OSBPL3: variants seen among roughly 807,000 people sequenced by gnomAD.
OSBPL3 encodes oxysterol-binding protein-related protein 3.
OSBPL3 carries 65 observed loss-of-function variants against 120.1 expected under a neutral mutation model. The observed-to-expected ratio is 0.54, with a 90% confidence interval of 0.44 to 0.67. The LOEUF is 0.67. Among genes scored for constraint, OSBPL3 ranks in the 30% least tolerant of loss-of-function variants. OSBPL3 has a pLI of 0.00. For synonymous variants in OSBPL3, 416 were observed against 402.6 expected (o/e 1.03, Z -0.40); for missense variants, 1,004 against 1,082.1 (o/e 0.93, Z 1.01).
chr7:24,849,053 C>A lies in OSBPL3; in HGVS notation c.1266+16G>T. On this transcript the variant is annotated intron_variant, in intron 12 of 22. Transcript: ENST00000313367. This position sits in a 1 kb window ranked among gnomAD's most constrained non-coding sequence, Gnocchi z 5.4. ...CGGCAGCTGGGGAGACATTACCAGA[C>A]GAGAAACCTACCCACCTCTGCCAGA... is the stretch of plus-strand genomic sequence containing the variant. 6.3e-7 allele frequency: 1 copy of A among 1,590,852 alleles called. No individual in the cohort carries two copies. Among genetic ancestry groups the A allele is most frequent in the Non-Finnish European group, 8.6e-7 (1 of 1,159,736 alleles).
At position 24,838,104 on chromosome 7, in the gene OSBPL3, AC is replaced by A. The variant is rs537964466; in HGVS notation, c.1495+2585del. 7.2e-5 allele frequency among the ~76,000 whole-genome samples: 11 copies of A among 152,138 alleles called. No homozygotes were observed. The East Asian group carries it at 2.1e-3, about 29-fold the overall frequency. On this transcript the variant is annotated intron_variant, in intron 14 of 22. Coordinates refer to ENST00000313367, the MANE Select transcript of OSBPL3 (RefSeq NM_015550.4). The stretch of plus-strand genomic sequence containing the variant: ...ATGCTTAGAAATATAATCTCCCCCA[AC>A]CCCTGGGAATGTCTGTAAAGAACTA...
chr7:24,825,983 A>G (rs530874969), intron 16 of OSBPL3, among the ~76,000 whole-genome samples: 42 of 152,354 alleles, frequency 2.8e-4, no homozygotes, highest in African/African-American at 9.6e-4. Flanking sequence ...AGGAAAAGCT[A>G]CTTTTAGACT....
At chr7:24,889,201 T>A (rs1804968837) in intron 2 of OSBPL3, among the ~76,000 whole-genome samples, 1 of 152,142 alleles carries the variant, frequency 6.6e-6, no homozygotes, top group Admixed American at 6.5e-5. Flanking sequence ...TCATTTGCAA[T>A]CACATGGATG....
Position 24,827,057 on chromosome 7 carries a change from A to G in OSBPL3, c.1884+3711T>C, listed in dbSNP as rs886086751. On this transcript the variant is annotated intron_variant, in intron 16 of 22. Coordinates refer to ENST00000313367, the MANE Select transcript of OSBPL3 (RefSeq NM_015550.4). This position sits in a 1 kb window ranked among gnomAD's most constrained non-coding sequence, Gnocchi z 5.1. ...TTGCCAGGTCCTTAAGCTTGGAGAT[A>G]CAATTTCCATCATTATCCTCCTTAG... is the stretch of plus-strand genomic sequence containing the variant. Among the ~76,000 whole-genome samples, 1 of 152,226 alleles carries G rather than the reference A, an allele frequency of 6.6e-6. No individual in the cohort carries two copies. Among genetic ancestry groups the G allele is most frequent in the Non-Finnish European group, 1.5e-5 (1 of 68,046 alleles).
At chr7:24,890,669 C>A (rs879760653) in intron 2 of OSBPL3, among the ~76,000 whole-genome samples, 11 of 152,128 alleles carry the variant, frequency 7.2e-5, no homozygotes, top group Non-Finnish European at 1.3e-4. Flanking sequence ...ACCTTCTCTG[C>A]CACAGAGGAA....
intron 1 of OSBPL3, among the ~76,000 whole-genome samples, chr7:24,975,887 C>T (rs1481546540): frequency 2.0e-5 from 3 of 152,100 alleles, no homozygotes; most frequent in African/African-American, 2.4e-5. Flanking sequence ...GGTTTTCACA[C>T]GGAGAGAACA....
rs573350439 is a variant in OSBPL3 at position 24,900,773 on chromosome 7, G to C, written c.-149-8152C>G. Among the ~76,000 whole-genome samples, 4 of 152,264 alleles carry C rather than the reference G, an allele frequency of 2.6e-5. No homozygotes were observed. The highest frequency in any genetic ancestry group is 5.9e-5 in the Non-Finnish European group (4 of 68,024). Reference sequence around the variant, plus strand: ...GCTTGAGCTCACGAGTTCAAGACCAGCCTGGGCAACAAGGCGAAACCCCCA... The same window carrying C: ...GCTTGAGCTCACGAGTTCAAGACCACCCTGGGCAACAAGGCGAAACCCCCA... On this transcript the variant is annotated intron_variant, in intron 1 of 22. Coordinates refer to ENST00000313367, the MANE Select transcript of OSBPL3 (RefSeq NM_015550.4). This position sits in a 1 kb window ranked among gnomAD's most constrained non-coding sequence, Gnocchi z 4.5.
In OSBPL3 at chr7:24,852,560, C is replaced by G; in HGVS notation, c.1102G>C (p.Asp368His). The G allele has an allele frequency of 6.2e-7, 1 of 1,609,094 alleles. No individual in the cohort carries two copies. Among genetic ancestry groups the G allele is most frequent in the East Asian group, 2.2e-5 (1 of 44,772 alleles). The change falls in exon 11 of 23, where the codon GAT (aspartate) becomes CAT (histidine). Residue 368 changes from aspartate (D) to histidine (H), a missense_variant. Physicochemically the swap from Asp to His is moderately conservative, Grantham distance 81. Around this residue, in one of 4 missense-constraint regions of OSBPL3, gnomAD observed 272 missense variants for 248.8 expected, o/e 1.09. Transcript: ENST00000313367. This position sits in a 1 kb window ranked among gnomAD's most constrained non-coding sequence, Gnocchi z 4.1. ...TGAGCAGACGGGGAGGAGGAGGCAT[C>G]CTGCTCCATCAGCTGCTTCAGTTTC... ...REKLKQLMEQ[D>H]ASSSPSAQVI... is the part of the protein sequence containing the mutation.
In OSBPL3 at chr7:24,861,735, T is replaced by A. The variant is rs1800565767; in HGVS notation, c.905A>T (p.His302Leu). Residue 302 changes from histidine to leucine, a missense_variant, in exon 10 of 23, where the codon CAC becomes CTC. Coordinates refer to ENST00000313367, the MANE Select transcript of OSBPL3 (RefSeq NM_015550.4). ...PKPFSGPVRL[H>L]SSNPNLSTLD... ...TGTTGACAAATTAGGATTGGAGGAG[T>A]GTAGTCTTACTGGGCCAGAAAAAGG... is the stretch of plus-strand genomic sequence containing the variant. The A allele has an allele frequency of 3.7e-6, 6 of 1,607,670 alleles. No homozygotes were observed. Among genetic ancestry groups the A allele is most frequent in the Non-Finnish European group, 5.1e-6 (6 of 1,177,322 alleles).
At position 24,871,907 on chromosome 7, in the gene OSBPL3, G is replaced by A. The variant is rs10261181; in HGVS notation, c.213+46C>T. 420,073 of 1,459,854 alleles carry A rather than the reference G, an allele frequency of 0.29. 68,563 individuals are homozygous for A. Among genetic ancestry groups the A allele is most frequent in the East Asian group, 0.74 (32,839 of 44,082 alleles). The allele number at this position is 1,459,854 out of a possible 1,614,324, so 90.4% of individuals were successfully genotyped here. On this transcript the variant is annotated intron_variant, in intron 3 of 22. Transcript: ENST00000313367. This position sits in a 1 kb window ranked among gnomAD's most constrained non-coding sequence, Gnocchi z 4.8. The stretch of plus-strand genomic sequence containing the variant: ...AGTACCTAAGAACCAGGTGCTGAGT[G>A]GGGCAGTGTGAGTGCAAATAAAGGG...
chr7:24,904,598 T>C lies in OSBPL3; in HGVS notation c.-149-11977A>G, dbSNP rs373183709. Among the ~76,000 whole-genome samples the C allele has an allele frequency of 1.1e-4, 16 of 152,262 alleles. 1 individual carries two copies. Among genetic ancestry groups the C allele is most frequent in the Admixed American group, 3.9e-4 (6 of 15,298 alleles). On this transcript the variant is annotated intron_variant, in intron 1 of 22. Coordinates refer to ENST00000313367, the MANE Select transcript of OSBPL3 (RefSeq NM_015550.4). ...TCAGGAACCTGAACATCCATGAAAT[T>C]TGGTATTTGTGGCGATCACCGAACC...
At chr7:24,887,007 C>T (rs916195050) in intron 2 of OSBPL3, among the ~76,000 whole-genome samples, 2 of 152,180 alleles carry the variant, frequency 1.3e-5, no homozygotes, top group Non-Finnish European at 2.9e-5. Context: ...TAAAGAATAG[C>T]AATTCACATT....
rs1451106543 is a variant in OSBPL3 at position 24,899,103 on chromosome 7, GTCA to G, written c.-149-6485_-149-6483del. Among the ~76,000 whole-genome samples the G allele has an allele frequency of 6.6e-6, 1 of 152,088 alleles. No individual in the cohort carries two copies. The highest frequency in any genetic ancestry group is 1.9e-4 in the East Asian group (1 of 5,180). On this transcript the variant is annotated intron_variant, in intron 1 of 22. Coordinates refer to ENST00000313367, the MANE Select transcript of OSBPL3 (RefSeq NM_015550.4). This position sits in a 1 kb window ranked among gnomAD's most constrained non-coding sequence, Gnocchi z 4.0. ...CTTCTCCAGACTAAACAGCCGCATTGTCATCATCATCCATTTCTTATGGGACAT... is the reference window on the plus strand; with the variant it reads ...CTTCTCCAGACTAAACAGCCGCATTGTCATCATCCATTTCTTATGGGACAT...
chr7:24,804,148 T>G lies in OSBPL3; in HGVS notation c.2567+167A>C, dbSNP rs1308473170. On this transcript the variant is annotated intron_variant, in intron 22 of 22. Coordinates refer to ENST00000313367, the MANE Select transcript of OSBPL3 (RefSeq NM_015550.4). The surrounding 1 kb of genome is among the most constrained non-coding windows in gnomAD (Gnocchi z 5.4). Reference sequence around the variant, plus strand: ...GCAAGAGGGAGAGCCTGAAGGTAAGTGCGGGGGACAGGGCCTGGCACAGAG... The same window carrying G: ...GCAAGAGGGAGAGCCTGAAGGTAAGGGCGGGGGACAGGGCCTGGCACAGAG... Among the ~76,000 whole-genome samples the G allele has an allele frequency of 6.6e-6, 1 of 152,044 alleles. No individual in the cohort carries two copies. The highest frequency in any genetic ancestry group is 1.9e-4 in the East Asian group (1 of 5,190).
Position 24,938,880 on chromosome 7 carries a change from T to C in OSBPL3, c.-150+41006A>G, listed in dbSNP as rs185871611. Reference sequence around the variant, plus strand: ...GGCCAAGAAAGAAAAAAAAAAAAGATTGTTATTAAGGAAAAAGTATATAAT... The same window carrying C: ...GGCCAAGAAAGAAAAAAAAAAAAGACTGTTATTAAGGAAAAAGTATATAAT... On this transcript the variant is annotated intron_variant, in intron 1 of 22. Transcript: ENST00000313367. This position sits in a 1 kb window ranked among gnomAD's most constrained non-coding sequence, Gnocchi z 5.8. Among the ~76,000 whole-genome samples, 136 of 145,006 alleles carry C rather than the reference T, an allele frequency of 9.4e-4. No homozygotes were observed. Among genetic ancestry groups the C allele is most frequent in the South Asian group, 2.4e-3 (11 of 4,582 alleles).
chr7:24,904,009 A>G (rs1237104974), intron 1 of OSBPL3, among the ~76,000 whole-genome samples: 1 of 151,684 alleles, frequency 6.6e-6, no homozygotes, highest in African/African-American at 2.4e-5. Flanking sequence ...CAGCCTCCCG[A>G]GTAGCGGAGA....
chr7:24,889,171 T>A (rs1304634650), intron 2 of OSBPL3, among the ~76,000 whole-genome samples: 1 of 152,158 alleles, frequency 6.6e-6, no homozygotes, highest in Non-Finnish European at 1.5e-5. Flanking sequence ...TATTCAGCCT[T>A]AAAAAAGAAA....
At chr7:24,905,352 T>G (rs1187595799) in intron 1 of OSBPL3, among the ~76,000 whole-genome samples, 1 of 151,942 alleles carries the variant, frequency 6.6e-6, no homozygotes, top group African/African-American at 2.4e-5. Flanking sequence ...GGATACCAAT[T>G]TAGCCCAAAC....
chr7:24,917,434 C>CATAT (rs751716988), intron 1 of OSBPL3, among the ~76,000 whole-genome samples: 1 of 82,220 alleles, frequency 1.2e-5, no homozygotes, highest in African/African-American at 4.6e-5. Flanking sequence ...ATATTTGTAA[C>CATAT]ATATATATAT....
Sources: allele counts gnomAD v4.1 joint callset (sites outside exome capture counted in the v4.1 genomes callset), GRCh38; gene constraint gnomAD v4.1.1; regional missense constraint gnomAD v4.1.1; non-coding constraint Gnocchi (gnomAD v3.1); transcripts MANE v1.5; gene names NCBI Gene and HGNC (gene_info 2026-07-23, HGNC 2026-07-21).